MAP4K4: variants seen among roughly 807,000 people sequenced by gnomAD.
The protein encoded by MAP4K4 is HPK/GCK-like kinase HGK.
Under a neutral mutation model 189.6 loss-of-function variants are expected in MAP4K4, and 38 were observed. That is an observed-to-expected ratio of 0.20 (90% confidence interval 0.15 to 0.26). The LOEUF (loss-of-function observed/expected upper bound fraction) is 0.26, where lower values mean the gene tolerates loss of function less well. MAP4K4 is among the 10% of genes least tolerant of loss of function. The probability of loss-of-function intolerance (pLI) is 1.00; values close to 1 mark genes in which losing one functional copy is unlikely to be tolerated. For missense variants in MAP4K4, 1,054 were observed against 1,726.9 expected, an observed-to-expected ratio of 0.61 and a Z score of 6.91; for synonymous variants, 610 against 624.3, an observed-to-expected ratio of 0.98 and a Z score of 0.34.
intron 2 of MAP4K4, among the ~76,000 whole-genome samples, chr2:101,766,923 G>A (rs774111179): frequency 6.6e-6 from 1 of 152,070 alleles, no homozygotes; most frequent in Admixed American, 6.5e-5. Flanking sequence ...GGGTGGGAGC[G>A]GGCTCTAGCA....
chr2:101,733,553 A>G (rs1273187230), intron 2 of MAP4K4, among the ~76,000 whole-genome samples: 2 of 152,164 alleles, frequency 1.3e-5, no homozygotes, highest in African/African-American at 2.4e-5. Flanking sequence ...GAAGGAGAAG[A>G]GAAGAGGCAG....
intron 2 of MAP4K4, among the ~76,000 whole-genome samples, chr2:101,743,789 C>G (rs2063896810): frequency 1.3e-5 from 2 of 152,076 alleles, no homozygotes; most frequent in African/African-American, 2.4e-5. Flanking sequence ...TCCTGAATAG[C>G]TGGGACTACA....
intron 32 of MAP4K4, among the ~76,000 whole-genome samples, chr2:101,890,435 G>C (rs2150355635): frequency 6.6e-6 from 1 of 152,252 alleles, no homozygotes; most frequent in South Asian, 2.1e-4. Context: ...AATTGCCCCA[G>C]AGGTTTTTGT....
At chr2:101,726,415 A>G (rs966262435) in intron 2 of MAP4K4, among the ~76,000 whole-genome samples, 1 of 152,248 alleles carries the variant, frequency 6.6e-6, no homozygotes, top group Non-Finnish European at 1.5e-5. Flanking sequence ...ACTGCCAGCA[A>G]TTAATTTATG....
At chr2:101,704,057 A>G (rs1007591574) in intron 2 of MAP4K4, among the ~76,000 whole-genome samples, 4 of 152,298 alleles carry the variant, frequency 2.6e-5, no homozygotes, top group East Asian at 1.9e-4. Flanking sequence ...TGGAGCAAGT[A>G]CTTAAACTTT....
intron 2 of MAP4K4, among the ~76,000 whole-genome samples, chr2:101,700,640 T>C (rs975461899): frequency 6.6e-6 from 1 of 152,216 alleles, no homozygotes; most frequent in Non-Finnish European, 1.5e-5. Flanking sequence ...TATTTTAATG[T>C]AAACCCCAAA....
Position 101,887,813 on chromosome 2 carries a change from C to T in MAP4K4, c.3807C>T (p.Ile1269=), listed in dbSNP as rs371995247. 789 of 1,612,336 alleles carry T rather than the reference C, an allele frequency of 4.9e-4. 5 individuals are homozygous for T. The highest frequency in any genetic ancestry group is 2.9e-3 in the South Asian group (259 of 90,634). The change falls in exon 31 of 33, where the codon ATC becomes ATT. Residue 1269 remains isoleucine (I), a synonymous_variant. Coordinates refer to ENST00000324219, the Ensembl canonical transcript of MAP4K4. ...GCATCAAACCCCATGCAATCATCAT[C>T]CTCCCCAATACAGATGGAATGGAGC...
intron 2 of MAP4K4, among the ~76,000 whole-genome samples, chr2:101,730,125 C>T (rs1208908312): frequency 6.6e-6 from 1 of 152,134 alleles, no homozygotes; most frequent in African/African-American, 2.4e-5. Flanking sequence ...TATAAGGTTT[C>T]GATTCTGCTT....
chr2:101,728,565 G>A (rs1050068273), intron 2 of MAP4K4, among the ~76,000 whole-genome samples: 2 of 152,112 alleles, frequency 1.3e-5, no homozygotes, highest in Admixed American at 6.5e-5. Context: ...AGGCTGGGGT[G>A]CAGTGGTGCA....
intron 5 of MAP4K4, among the ~76,000 whole-genome samples, chr2:101,827,884 C>T (rs1454742459): frequency 6.6e-6 from 1 of 152,168 alleles, no homozygotes; most frequent in East Asian, 1.9e-4. Context: ...AGTTCAGAAA[C>T]ACTGATGCAT....
chr2:101,795,651 G>A (rs10180108), intron 3 of MAP4K4, among the ~76,000 whole-genome samples: 5,173 of 152,182 alleles, frequency 0.034, 305 homozygotes, highest in African/African-American at 0.12. Flanking sequence ...CTGTTGAGTG[G>A]GAAATATATT....
At chr2:101,852,729 G>A (rs1487343699) in intron 12 of MAP4K4, among the ~76,000 whole-genome samples, 1 of 152,138 alleles carries the variant, frequency 6.6e-6, no homozygotes, top group Admixed American at 6.5e-5. Flanking sequence ...GTATGCACAC[G>A]TGTGAACATG....
chr2:101,856,292 A>C (rs558822040), intron 13 of MAP4K4, among the ~76,000 whole-genome samples, 154 bp downstream of exon 13: 2 of 152,328 alleles, frequency 1.3e-5, no homozygotes, highest in African/African-American at 4.8e-5. Flanking sequence ...AACGTGGTGA[A>C]ACACAGTTGG....
At chr2:101,707,680 G>GT (rs1160858811) in intron 2 of MAP4K4, among the ~76,000 whole-genome samples, 98 of 141,160 alleles carry the variant, frequency 6.9e-4, no homozygotes, top group Non-Finnish European at 6.5e-4. Flanking sequence ...GTCCAGCTAA[G>GT]TTTTTTTTTT....
chr2:101,726,890 A>C (rs1490908364), intron 2 of MAP4K4, among the ~76,000 whole-genome samples: 8 of 152,198 alleles, frequency 5.3e-5, no homozygotes, highest in Non-Finnish European at 1.2e-4. Flanking sequence ...GAGAAGTTCA[A>C]GAATAAGGGA....
At chr2:101,813,195 A>G (rs966891023) in intron 3 of MAP4K4, among the ~76,000 whole-genome samples, 1 of 152,330 alleles carries the variant, frequency 6.6e-6, no homozygotes, top group Middle Eastern at 3.4e-3. Flanking sequence ...AGGTTTATGT[A>G]ATGGAAACAC....
At position 101,704,561 on chromosome 2, in the gene MAP4K4, ATATATATTTTTT is replaced by A. The variant is rs1239341695; in HGVS notation, c.123+6025_123+6036del. Among the ~76,000 whole-genome samples, 216 of 53,760 alleles carry A rather than the reference ATATATATTTTTT, an allele frequency of 4.0e-3. 1 individual carries two copies. Among genetic ancestry groups the A allele is most frequent in the South Asian group, 0.021 (25 of 1,212 alleles). The allele number at this position is 53,760 out of a possible 152,430, so 35.3% of individuals were successfully genotyped here. ...TGTGTGTATATATATATATATATAT[ATATATATTTTTT>A]TTTTTTTTTTTTTTTTTGAGATGGT... On this transcript the variant is annotated intron_variant, in intron 2 of 32. Transcript: ENST00000324219.
chr2:101,817,642 G>A (rs769301337), intron 3 of MAP4K4, among the ~76,000 whole-genome samples: 11 of 152,174 alleles, frequency 7.2e-5, no homozygotes, highest in Non-Finnish European at 1.3e-4. Context: ...GCGCGCTGGG[G>A]GCTTTGCTGT....
chr2:101,857,729 C>G (rs1010881532), intron 13 of MAP4K4, among the ~76,000 whole-genome samples: 8 of 152,170 alleles, frequency 5.3e-5, no homozygotes, highest in South Asian at 4.1e-4. Context: ...CCACACCCCC[C>G]CAGTTGGCTT....
Sources: gnomAD v4.1 joint callset for allele counts (sites outside exome capture counted in the v4.1 genomes callset) on GRCh38, gnomAD v4.1.1 for gene constraint, MANE v1.5 for transcripts, NCBI Gene and HGNC (gene_info 2026-07-23, HGNC 2026-07-21) for gene names.